Variants in SLC39A12 observed in about 807,000 individuals in gnomAD.
SLC39A12 encodes the protein solute carrier family 39 member 12, also known as zinc transporter ZIP12.
A neutral mutation model predicts 71.1 loss-of-function variants in SLC39A12; 63 were observed. The observed-to-expected ratio is 0.89, with a 90% CI of 0.72 to 1.09. SLC39A12 has a LOEUF of 1.09. SLC39A12 is among the 50% of genes least tolerant of loss of function. The probability of loss-of-function intolerance (pLI) is 0.00; values close to 1 mark genes in which losing one functional copy is unlikely to be tolerated. For missense variants in SLC39A12, 892 were observed against 812.6 expected (o/e 1.10, Z -1.19); for synonymous variants, 351 against 301.3 (o/e 1.16, Z -1.71).
At chr10:17,978,233 C>T (rs931787083) in intron 5 of SLC39A12, among the ~76,000 whole-genome samples, 159 bp downstream of exon 5, 10 of 152,102 alleles carry the variant, frequency 6.6e-5, no homozygotes, top group Admixed American at 2.0e-4. Flanking sequence ...TTTTCTTTTT[C>T]TACAAGTGTA....
chr10:17,971,730 T>G (rs7088822), intron 4 of SLC39A12, among the ~76,000 whole-genome samples: 1 of 152,124 alleles, frequency 6.6e-6, no homozygotes, highest in African/African-American at 2.4e-5. Flanking sequence ...TTTTCTTTTT[T>G]TCTTAGTCTG....
chr10:18,025,246 ATTATAC>A (rs975494980), intron 12 of SLC39A12, among the ~76,000 whole-genome samples: 2 of 137,910 alleles, frequency 1.5e-5, no homozygotes. Flanking sequence ...ATTTTTTTTT[ATTATAC>A]TTTAAGTTTT....
intron 4 of SLC39A12, among the ~76,000 whole-genome samples, 169 bp from the exon 5 acceptor site, chr10:17,977,733 G>C (rs534882144): frequency 6.6e-6 from 1 of 152,062 alleles, no homozygotes; most frequent in South Asian, 2.1e-4. Context: ...AATCCTTGAC[G>C]CAATGGAAGG....
At chr10:17,973,159 C>G (rs1179825397) in intron 4 of SLC39A12, among the ~76,000 whole-genome samples, 1 of 151,994 alleles carries the variant, frequency 6.6e-6, no homozygotes, top group Non-Finnish European at 1.5e-5. Context: ...AACTTTTAAA[C>G]TTTTTGTTGT....
At chr10:17,990,094 G>T (rs775152911) in intron 7 of SLC39A12, among the ~76,000 whole-genome samples, 1 of 152,136 alleles carries the variant, frequency 6.6e-6, no homozygotes, top group African/African-American at 2.4e-5. Flanking sequence ...TCAACTGAAA[G>T]ATCTACATTT....
At chr10:17,983,715 G>A (rs1301298406) in intron 6 of SLC39A12, among the ~76,000 whole-genome samples, 1 of 151,902 alleles carries the variant, frequency 6.6e-6, no homozygotes, top group Non-Finnish European at 1.5e-5. Flanking sequence ...CCGGGAGGTG[G>A]AGGTTGCAGT....
At chr10:18,035,932 T>G (rs1194727858) in intron 12 of SLC39A12, among the ~76,000 whole-genome samples, 1 of 152,268 alleles carries the variant, frequency 6.6e-6, no homozygotes, top group Admixed American at 6.5e-5. Flanking sequence ...GTGCCCCTGC[T>G]GGGGGGTGCC....
At chr10:17,979,852 A>G (rs550835910) in intron 5 of SLC39A12, among the ~76,000 whole-genome samples, 1 of 152,310 alleles carries the variant, frequency 6.6e-6, no homozygotes, top group East Asian at 1.9e-4. Flanking sequence ...TGAATCAATC[A>G]GATCTCTCTC....
chr10:18,040,769 C>CAAAA (rs34842202), intron 12 of SLC39A12, among the ~76,000 whole-genome samples: 8,939 of 94,204 alleles, frequency 0.095, 466 homozygotes, highest in East Asian at 0.25. Context: ...AACTCCATCT[C>CAAAA]AAAAAAAAAA....
At chr10:18,041,819 AT>A (rs1837259602) in intron 12 of SLC39A12, among the ~76,000 whole-genome samples, 1 of 139,778 alleles carries the variant, frequency 7.2e-6, no homozygotes, top group Non-Finnish European at 1.5e-5. Context: ...ATGTATACGT[AT>A]ATGTATGTAC....
intron 12 of SLC39A12, among the ~76,000 whole-genome samples, chr10:18,012,177 G>T (rs1431936165): frequency 6.6e-6 from 1 of 151,878 alleles, no homozygotes; most frequent in Non-Finnish European, 1.5e-5. Context: ...TTCTAAAATA[G>T]AACATATTCT....
chr10:18,030,223 A>G (rs1394978621), intron 12 of SLC39A12, among the ~76,000 whole-genome samples: 1 of 151,488 alleles, frequency 6.6e-6, no homozygotes, highest in African/African-American at 2.4e-5. Flanking sequence ...GTTGATTTGC[A>G]CTGTTTGCCC....
chr10:17,961,762 T>G lies in SLC39A12; in HGVS notation c.443T>G (p.Leu148Arg). ...KEYKFYLHSLLSLRQDEDSSF... is the reference protein window; with the variant it reads ...KEYKFYLHSLRSLRQDEDSSF... ...TATAAATTTTACCTACACAGCCTAC[T>G]GAGCCTCAGGCAGGATGAAGATTCC... is the stretch of plus-strand genomic sequence containing the variant. The change falls in exon 3 of 13, where the codon CTG (leucine) becomes CGG (arginine). Residue 148 changes from leucine (L) to arginine (R), a missense_variant. Leu to Arg is a moderately radical substitution (Grantham distance 102). Coordinates refer to ENST00000377369, the MANE Select transcript of SLC39A12 (RefSeq NM_001145195.2). 2 of 1,614,106 alleles carry G rather than the reference T, an allele frequency of 1.2e-6. No individual in the cohort carries two copies. Among genetic ancestry groups the G allele is most frequent in the South Asian group, 1.1e-5 (1 of 91,082 alleles).
intron 12 of SLC39A12, among the ~76,000 whole-genome samples, chr10:18,040,581 C>T (rs1489145464): frequency 6.6e-6 from 1 of 151,878 alleles, no homozygotes; most frequent in Non-Finnish European, 1.5e-5. Context: ...ACTAGCCTGG[C>T]CAACATGAAG....
chr10:17,964,044 C>T (rs952818221), intron 3 of SLC39A12, among the ~76,000 whole-genome samples: 1 of 152,298 alleles, frequency 6.6e-6, no homozygotes, highest in East Asian at 1.9e-4. Flanking sequence ...ACAGGGATCT[C>T]TCCCTAGTGT....
rs745780863 is a variant in SLC39A12 at position 17,995,688 on chromosome 10, G to A, written c.1566G>A (p.Met522Ile). The change falls in exon 10 of 13, where the codon ATG becomes ATA. Residue 522 changes from methionine to isoleucine, a missense_variant. Coordinates refer to ENST00000377369, the MANE Select transcript of SLC39A12 (RefSeq NM_001145195.2). ...KSPEDSQAAE[M>I]PIGSMTASNR... is the part of the protein sequence containing the mutation. Reference sequence around the variant, plus strand: ...CAGAAGATTCACAGGCAGCTGAAATGCCTATAGGCAGTATGACAGCCTCCA... The same window carrying A: ...CAGAAGATTCACAGGCAGCTGAAATACCTATAGGCAGTATGACAGCCTCCA... 6.2e-7 allele frequency: 1 copy of A among 1,613,528 alleles called. No individual in the cohort carries two copies.
At position 18,036,786 on chromosome 10, in the gene SLC39A12, A is replaced by ATTTTTTTTT. The variant is rs1407183255; in HGVS notation, c.1948-5918_1948-5917insTTTTTTTTT. Among the ~76,000 whole-genome samples the ATTTTTTTTT allele has an allele frequency of 7.4e-4, 7 of 9,446 alleles. 1 individual carries two copies. Among genetic ancestry groups the ATTTTTTTTT allele is most frequent in the South Asian group, 2.1e-3 (1 of 474 alleles). The allele number at this position is 9,446 out of a possible 152,430, so 6.2% of individuals were successfully genotyped here. A position where few individuals can be genotyped will look rare whatever the true frequency, so the allele number is the denominator to read the frequency against. ...TATATATATATATATATATATATAT[A>ATTTTTTTTT]TATATATATTTTTTTTTTTAATGGA... On this transcript the variant is annotated intron_variant, in intron 12 of 12. Transcript: ENST00000377369.
chr10:17,954,501 G>T (rs1448402214), intron 2 of SLC39A12, among the ~76,000 whole-genome samples: 17 of 152,076 alleles, frequency 1.1e-4, no homozygotes, highest in Non-Finnish European at 2.9e-5. Context: ...TGATCTGCCT[G>T]CCGCCACCTC....
At chr10:18,036,788 A>ATTTTTTTTTTTTTTT (rs1319675306) in intron 12 of SLC39A12, among the ~76,000 whole-genome samples, 13 of 17,008 alleles carry the variant, frequency 7.6e-4, no homozygotes, top group African/African-American at 1.4e-3. Flanking sequence ...ATATATATAT[A>ATTTTTTTTTTTTTTT]TATATATTTT....
Sources: allele counts gnomAD v4.1 joint callset (sites outside exome capture counted in the v4.1 genomes callset), GRCh38; gene constraint gnomAD v4.1.1; transcripts MANE v1.5; gene names NCBI Gene and HGNC (gene_info 2026-07-23, HGNC 2026-07-21).